PVT1: variants seen among roughly 807,000 people sequenced by gnomAD.
PVT1 encodes the protein CXCR4/PVT1 fusion.
chr8:128,024,195 G>A (rs1307733195), intron 4 of PVT1, among the ~76,000 whole-genome samples: 3 of 152,224 alleles, frequency 2.0e-5, no homozygotes, highest in Non-Finnish European at 2.9e-5. Context: ...AATGGAAGTG[G>A]CCTGCCGAAG....
At chr8:127,890,779 A>G (rs1325665693) in exon 3 of PVT1, 2 of 152,242 alleles carry the variant, frequency 1.3e-5, no homozygotes, top group African/African-American at 2.4e-5. Context: ...CAGGATACTA[A>G]AAGTGGTTTT....
intron 3 of PVT1, among the ~76,000 whole-genome samples, chr8:127,922,276 A>AC (rs33932004): frequency 0.022 from 2,401 of 111,440 alleles, 68 homozygotes; most frequent in African/African-American, 0.068. Context: ...CAAGATACCC[A>AC]CCCCCCCCCC....
chr8:127,979,649 G>A (rs1816861219), intron 3 of PVT1, among the ~76,000 whole-genome samples: 1 of 152,194 alleles, frequency 6.6e-6, no homozygotes, highest in South Asian at 2.1e-4. Context: ...GAGGAGCCTG[G>A]GAGCTAGACT....
chr8:127,798,464 G>A (rs1814423275), intron 2 of PVT1, among the ~76,000 whole-genome samples: 1 of 152,020 alleles, frequency 6.6e-6, no homozygotes, highest in Non-Finnish European at 1.5e-5. Flanking sequence ...TGCAGCCACG[G>A]AGCAGTCAGA....
intron 3 of PVT1, among the ~76,000 whole-genome samples, chr8:127,929,661 G>C (rs184821586): frequency 1.3e-5 from 2 of 152,062 alleles, no homozygotes; most frequent in Non-Finnish European, 2.9e-5. Flanking sequence ...CCAGCTACTC[G>C]GGAGGCTGAG....
chr8:127,952,847 C>T (rs191083109), intron 3 of PVT1, among the ~76,000 whole-genome samples: 29 of 152,158 alleles, frequency 1.9e-4, no homozygotes, highest in African/African-American at 6.3e-4. Context: ...TCACTGCAAC[C>T]TCCACCTCCC....
Position 128,042,825 on chromosome 8 carries a change from A to G in PVT1, n.913-27335A>G, listed in dbSNP as rs2720701. ...GTCACCCAGGCTGGAGTGCAGTGGCACAATCTTGGCTCACTGCAACCTCTG... is the reference window on the plus strand; with the variant it reads ...GTCACCCAGGCTGGAGTGCAGTGGCGCAATCTTGGCTCACTGCAACCTCTG... On this transcript the variant is annotated intron_variant and non_coding_transcript_variant, in intron 4 of 10. Coordinates refer to ENST00000651587, the Ensembl canonical transcript of PVT1. Among the ~76,000 whole-genome samples the G allele has an allele frequency of 2.6e-3, 386 of 151,024 alleles. 3 individuals carry two copies. The highest frequency in any genetic ancestry group is 0.021 in the East Asian group (106 of 5,116).
intron 3 of PVT1, among the ~76,000 whole-genome samples, chr8:127,892,179 C>T (rs1815619323): frequency 6.6e-6 from 1 of 152,202 alleles, no homozygotes; most frequent in South Asian, 2.1e-4. Context: ...GCTTCCCTGA[C>T]CTCCTAAGGT....
At chr8:127,938,511 C>T (rs1269898132) in intron 3 of PVT1, among the ~76,000 whole-genome samples, 1 of 152,162 alleles carries the variant, frequency 6.6e-6, no homozygotes, top group South Asian at 2.1e-4. Flanking sequence ...GGGCTGTATC[C>T]TGTGGCTTCA....
intron 2 of PVT1, among the ~76,000 whole-genome samples, chr8:127,798,704 CA>C (rs71300266): frequency 0.048 from 5,323 of 110,394 alleles, 102 homozygotes; most frequent in African/African-American, 0.088. Context: ...ACTAAAAATA[CA>C]AAAAAAAAAA....
intron 2 of PVT1, among the ~76,000 whole-genome samples, chr8:127,802,236 C>T (rs1259357228): frequency 2.0e-5 from 3 of 152,076 alleles, no homozygotes; most frequent in Non-Finnish European, 4.4e-5. Flanking sequence ...TTATATGAGA[C>T]ACGGTCTCAC....
chr8:127,883,748 G>A (rs564932074), intron 2 of PVT1, among the ~76,000 whole-genome samples: 1 of 152,338 alleles, frequency 6.6e-6, no homozygotes, highest in South Asian at 2.1e-4. Flanking sequence ...GGAGAGAGAT[G>A]GAGCCAAGAG....
rs11438511 is a variant in PVT1 at position 128,021,290 on chromosome 8, CTTTTT to C, written n.912+32016_912+32020del. 2.2e-3 allele frequency among the ~76,000 whole-genome samples: 180 copies of C among 81,140 alleles called. 1 individual carries two copies. The highest frequency in any genetic ancestry group is 7.9e-3 in the African/African-American group (166 of 20,900). 53.2% of individuals were successfully genotyped at this position (81,140 alleles called of 152,430 possible). On this transcript the variant is annotated intron_variant and non_coding_transcript_variant, in intron 4 of 10. Transcript: ENST00000651587. ...CCAGTCCGATTCCCCAGGACTTGTG[CTTTTT>C]TTTTTTTTTTTTTTTTGAGACGGAG...
rs146249875 is a variant in PVT1, at chr8:127,859,002, CT to C, written n.373-31585del. On this transcript the variant is annotated intron_variant and non_coding_transcript_variant, in intron 2 of 10. Transcript: ENST00000651587. ...TGTTTACTTTTTGTAGAGACAGGGT[CT>C]TGCTATGTTGCCCAGGCTGGTCTTC... 5.2e-3 allele frequency among the ~76,000 whole-genome samples: 784 copies of C among 151,676 alleles called. 11 individuals are homozygous for C. Among genetic ancestry groups the C allele is most frequent in the African/African-American group, 0.018 (729 of 41,360 alleles).
chr8:127,899,011 C>T (rs1815725826), intron 3 of PVT1, among the ~76,000 whole-genome samples: 1 of 152,184 alleles, frequency 6.6e-6, no homozygotes, highest in South Asian at 2.1e-4. Flanking sequence ...CACTCAGTAG[C>T]TTGGGACTGG....
chr8:127,804,172 C>T (rs1407020699), intron 2 of PVT1, among the ~76,000 whole-genome samples: 2 of 152,146 alleles, frequency 1.3e-5, no homozygotes, highest in Non-Finnish European at 2.9e-5. Context: ...GTTATGATTA[C>T]ACCACTGTAC....
chr8:128,072,062 T>A (rs1396174253), intron 5 of PVT1, among the ~76,000 whole-genome samples: 1 of 152,218 alleles, frequency 6.6e-6, no homozygotes, highest in Non-Finnish European at 1.5e-5. Context: ...TGCCATTTTT[T>A]AAAATGAAGA....
chr8:128,001,873 G>A (rs1817181414), intron 4 of PVT1, among the ~76,000 whole-genome samples: 1 of 152,104 alleles, frequency 6.6e-6, no homozygotes, highest in South Asian at 2.1e-4. Context: ...TTTTGTCAAG[G>A]CACTAATCCC....
intron 4 of PVT1, among the ~76,000 whole-genome samples, chr8:128,066,452 A>T (rs1813912618): frequency 6.6e-6 from 1 of 152,234 alleles, no homozygotes; most frequent in African/African-American, 2.4e-5. Flanking sequence ...AAAAGAAATG[A>T]ATCTTTGTTG....
Sources: allele counts gnomAD v4.1 joint callset (sites outside exome capture counted in the v4.1 genomes callset), GRCh38; gene constraint gnomAD v4.1.1; transcripts MANE v1.5; gene names NCBI Gene and HGNC (gene_info 2026-07-23, HGNC 2026-07-21).